The following SOCS5 variants were observed in gnomAD, a reference collection of about 807,000 sequenced individuals.
SOCS5 encodes CIS-6.
In SOCS5, 32 loss-of-function variants were observed where a neutral mutation model predicts 42.8. That is an observed-to-expected ratio of 0.75 (90% CI 0.56 to 1.01). The LOEUF (loss-of-function observed/expected upper bound fraction) is 1.01. Ranked by LOEUF, SOCS5 falls within the 50% of genes least tolerant of loss-of-function variation. The pLI is 0.00. For synonymous variants in SOCS5, 283 were observed against 229.6 expected, an observed-to-expected ratio of 1.23 and a Z score of -2.10; for missense variants, 627 against 653.0, an observed-to-expected ratio of 0.96 and a Z score of 0.43.
Position 46,758,621 on chromosome 2 carries a change from G to C in SOCS5, c.91G>C (p.Asp31His), listed in dbSNP as rs749410522. ...HEGGSRSENV[D>H]MNSNRCLSVK... Reference sequence around the variant, plus strand: ...GGGAGGAAGCCGTAGTGAAAATGTGGACATGAACTCCAACAGATGTTTGTC... The same window carrying C: ...GGGAGGAAGCCGTAGTGAAAATGTGCACATGAACTCCAACAGATGTTTGTC... Residue 31 changes from aspartate to histidine, a missense_variant, in exon 2 of 2, where the codon GAC (aspartate) becomes CAC (histidine). Coordinates refer to ENST00000394861, the MANE Select transcript of SOCS5 (RefSeq NM_144949.3). 1.2e-5 allele frequency: 19 copies of C among 1,613,932 alleles called. No individual in the cohort carries two copies. The highest frequency in any genetic ancestry group is 1.4e-5 in the Non-Finnish European group (17 of 1,179,840).
At chr2:46,726,918 G>A (rs1377497310) in intron 1 of SOCS5, among the ~76,000 whole-genome samples, 9 of 150,878 alleles carry the variant, frequency 6.0e-5, no homozygotes, top group Admixed American at 2.7e-4. Flanking sequence ...CACCATGCCC[G>A]GCTAATTTTA....
chr2:46,714,616 G>A (rs1252781885), intron 1 of SOCS5, among the ~76,000 whole-genome samples: 1 of 152,074 alleles, frequency 6.6e-6, no homozygotes, highest in South Asian at 2.1e-4. Context: ...TTAGATCAGG[G>A]TTGGCAAACT....
intron 1 of SOCS5, among the ~76,000 whole-genome samples, chr2:46,743,755 G>A (rs1293533443): frequency 2.6e-5 from 4 of 152,078 alleles, no homozygotes; most frequent in Non-Finnish European, 4.4e-5. Flanking sequence ...TTGATTAAGC[G>A]TCATACAAGG....
At chr2:46,756,462 CA>C (rs889314520) in intron 1 of SOCS5, among the ~76,000 whole-genome samples, 1 of 152,156 alleles carries the variant, frequency 6.6e-6, no homozygotes, top group African/African-American at 2.4e-5. Flanking sequence ...GGGATCCCTT[CA>C]AAAAACAGGC....
chr2:46,751,321 G>C (rs1441963019), intron 1 of SOCS5, among the ~76,000 whole-genome samples: 13 of 151,798 alleles, frequency 8.6e-5, no homozygotes, highest in Admixed American at 3.3e-4. Flanking sequence ...AAGAATCTTA[G>C]ATTTACTGTT....
chr2:46,759,202 A>C lies in SOCS5; in HGVS notation c.672A>C (p.Ser224=). 6.2e-7 allele frequency: 1 copy of C among 1,613,926 alleles called. No individual in the cohort carries two copies. The change falls in exon 2 of 2, where the codon TCA becomes TCC. Residue 224 remains serine (S), a synonymous_variant. Coordinates refer to ENST00000394861, the MANE Select transcript of SOCS5 (RefSeq NM_144949.3). ...MLEKCPFPAG[S]DLAQKWHLIK... is the part of the protein sequence containing the mutation. Reference sequence around the variant, plus strand: ...AGAAATGCCCTTTTCCTGCTGGCTCAGATTTAGCCCAAAAATGGCATTTGA... The same window carrying C: ...AGAAATGCCCTTTTCCTGCTGGCTCCGATTTAGCCCAAAAATGGCATTTGA...
chr2:46,717,225 C>T (rs181624373), intron 1 of SOCS5, among the ~76,000 whole-genome samples: 8 of 152,296 alleles, frequency 5.3e-5, no homozygotes, highest in East Asian at 1.9e-4. Flanking sequence ...AGCTCTGTCA[C>T]GTCAGCTTAG....
chr2:46,711,121 G>C (rs749728461), intron 1 of SOCS5, among the ~76,000 whole-genome samples: 13 of 152,138 alleles, frequency 8.5e-5, no homozygotes, highest in Non-Finnish European at 8.8e-5. Flanking sequence ...GAACATTCTT[G>C]TATAAGTCTT....
intron 1 of SOCS5, among the ~76,000 whole-genome samples, chr2:46,752,421 C>T (rs1198171211): frequency 6.6e-6 from 1 of 152,130 alleles, no homozygotes; most frequent in Non-Finnish European, 1.5e-5. Flanking sequence ...CTCTGAGTGC[C>T]TCTTCTAATT....
rs1343070292 is a variant in SOCS5 at position 46,761,567 on chromosome 2, T to C, written c.*1426T>C. On this transcript the variant is annotated 3_prime_UTR_variant, in exon 2 of 2. Transcript: ENST00000394861. ...TGTTTCTGCTTGCTGTGCCTTGTTA[T>C]GGCTGCTTTTTTTGTGCTAATAAAG... 1 of 167,050 alleles carries C rather than the reference T, an allele frequency of 6.0e-6. No homozygotes were observed. The highest frequency in any genetic ancestry group is 1.5e-5 in the Non-Finnish European group (1 of 68,100). 10.3% of individuals were successfully genotyped at this position (167,050 alleles called of 1,614,324 possible).
intron 1 of SOCS5, among the ~76,000 whole-genome samples, chr2:46,716,367 ATTTTTTTTTTTTTTTTTT>A (rs35187667): frequency 1.2e-4 from 2 of 17,014 alleles, no homozygotes; most frequent in African/African-American, 1.8e-4. Context: ...GAGTGTCTTC[ATTTTTTTTTTTTTTTTTT>A]TTTTTTTTTT....
chr2:46,709,241 G>A (rs1330939775), intron 1 of SOCS5, among the ~76,000 whole-genome samples: 2 of 152,070 alleles, frequency 1.3e-5, no homozygotes, highest in Non-Finnish European at 2.9e-5. Context: ...TACCTTTCCA[G>A]CCCCTTAGAG....
intron 1 of SOCS5, among the ~76,000 whole-genome samples, chr2:46,749,717 A>G (rs1182395118): frequency 6.6e-6 from 1 of 152,142 alleles, no homozygotes; most frequent in Non-Finnish European, 1.5e-5. Context: ...AGTACTGTAC[A>G]GATTAGCTAT....
At chr2:46,712,996 A>G (rs376169398) in intron 1 of SOCS5, among the ~76,000 whole-genome samples, 11 of 152,210 alleles carry the variant, frequency 7.2e-5, no homozygotes, top group Non-Finnish European at 1.0e-4. Flanking sequence ...GAATTTATCA[A>G]TGAAGCCATC....
chr2:46,744,925 C>G (rs796339508), intron 1 of SOCS5, among the ~76,000 whole-genome samples: 1 of 149,522 alleles, frequency 6.7e-6, no homozygotes, highest in Admixed American at 6.7e-5. Context: ...CATACTAGAT[C>G]TAAGTATTGC....
intron 1 of SOCS5, among the ~76,000 whole-genome samples, chr2:46,704,777 G>C (rs1672423660): frequency 1.3e-5 from 2 of 152,144 alleles, no homozygotes. Context: ...ATAGTCTTTT[G>C]TTATTTACAA....
intron 1 of SOCS5, among the ~76,000 whole-genome samples, chr2:46,714,444 C>G (rs1227608308): frequency 6.6e-6 from 1 of 152,186 alleles, no homozygotes; most frequent in East Asian, 1.9e-4. Flanking sequence ...CTGTCTGATA[C>G]AAACTTTTCT....
chr2:46,701,685 A>T (rs1022472003), intron 1 of SOCS5, among the ~76,000 whole-genome samples: 6 of 151,542 alleles, frequency 4.0e-5, no homozygotes, highest in African/African-American at 1.5e-4. Context: ...TTTATTTAAA[A>T]GTTTAAAACA....
Position 46,735,864 on chromosome 2 carries a change from G to C in SOCS5, c.-12-22655G>C, listed in dbSNP as rs372038335. On this transcript the variant is annotated intron_variant, in intron 1 of 1. Transcript: ENST00000394861. ...AGAATAGACACAGTCAATAGTAGAGGGCATGCCTCAAAATTGACCACACAG... is the reference window on the plus strand; with the variant it reads ...AGAATAGACACAGTCAATAGTAGAGCGCATGCCTCAAAATTGACCACACAG... Among the ~76,000 whole-genome samples the C allele has an allele frequency of 5.0e-4, 76 of 151,558 alleles. 2 individuals are homozygous for C. In the South Asian group the frequency reaches 0.016, roughly 31 times the overall value.
Sources: gnomAD v4.1 joint callset for allele counts (sites outside exome capture counted in the v4.1 genomes callset) on GRCh38, gnomAD v4.1.1 for gene constraint, MANE v1.5 for transcripts, NCBI Gene and HGNC (gene_info 2026-07-23, HGNC 2026-07-21) for gene names.